SEC24D: variants seen among roughly 807,000 people sequenced by gnomAD.
SEC24D encodes the protein protein transport protein Sec24D.
A neutral mutation model predicts 116.9 loss-of-function variants in SEC24D; 69 were observed. The ratio of observed to expected loss-of-function variants is 0.59; its 90% CI spans 0.49 to 0.72. The LOEUF is 0.72. Among genes scored for constraint, SEC24D ranks in the 30% least tolerant of loss-of-function variants. The pLI is 0.00. For missense variants in SEC24D, 1,131 were observed against 1,264.1 expected (o/e 0.89, Z 1.60); for synonymous variants, 405 against 442.8 (o/e 0.91, Z 1.07).
intron 6 of SEC24D, among the ~76,000 whole-genome samples, chr4:118,813,052 A>T (rs1220445521): frequency 6.6e-6 from 1 of 152,166 alleles, no homozygotes; most frequent in Non-Finnish European, 1.5e-5. Context: ...CCATTTCATT[A>T]CCTCATATGG....
intron 7 of SEC24D, among the ~76,000 whole-genome samples, chr4:118,801,832 G>A (rs1344184907): frequency 2.6e-5 from 4 of 152,142 alleles, no homozygotes; most frequent in Non-Finnish European, 5.9e-5. Flanking sequence ...CTATAAACAG[G>A]TATACAACAG....
intron 6 of SEC24D, among the ~76,000 whole-genome samples, chr4:118,811,381 A>G (rs1729916238): frequency 6.6e-6 from 1 of 152,378 alleles, no homozygotes; most frequent in East Asian, 1.9e-4. Flanking sequence ...GGGATGTGAC[A>G]GTTAATTTTA....
At chr4:118,808,204 TC>T (rs1193786545) in intron 6 of SEC24D, among the ~76,000 whole-genome samples, 1 of 152,168 alleles carries the variant, frequency 6.6e-6, no homozygotes, top group Non-Finnish European at 1.5e-5. Context: ...CAAGCTTTCC[TC>T]CTACCTTAGC....
In SEC24D at chr4:118,723,400, G is replaced by T; in HGVS notation, c.*115C>A. The T allele has an allele frequency of 1.8e-6, 2 of 1,111,462 alleles. No homozygotes were observed. The highest frequency in any genetic ancestry group is 2.6e-6 in the Non-Finnish European group (2 of 782,012). 68.8% of individuals were successfully genotyped at this position (1,111,462 alleles called of 1,614,324 possible). A position where few individuals can be genotyped will look rare whatever the true frequency, so the allele number is the denominator to read the frequency against. ...TCTAAATGCCATCTCTTCCTGGAAAGTTATTCTGAAAATGAGCAAGAAATC... is the reference window on the plus strand; with the variant it reads ...TCTAAATGCCATCTCTTCCTGGAAATTTATTCTGAAAATGAGCAAGAAATC... On this transcript the variant is annotated 3_prime_UTR_variant, in exon 23 of 23. Coordinates refer to ENST00000280551, the MANE Select transcript of SEC24D (RefSeq NM_014822.4).
At chr4:118,780,907 C>CTTTTT (rs143712578) in intron 8 of SEC24D, among the ~76,000 whole-genome samples, 44 of 61,874 alleles carry the variant, frequency 7.1e-4, no homozygotes, top group Non-Finnish European at 8.8e-4. Flanking sequence ...GCAACCCCTG[C>CTTTTT]TTTTTTTTTT....
intron 3 of SEC24D, among the ~76,000 whole-genome samples, chr4:118,818,131 A>C (rs1415835018): frequency 6.6e-6 from 1 of 152,218 alleles, no homozygotes; most frequent in Non-Finnish European, 1.5e-5. Flanking sequence ...TTCTGCATTA[A>C]ACAATGGCCG....
chr4:118,793,604 C>T (rs1306109929), intron 8 of SEC24D, among the ~76,000 whole-genome samples: 2 of 152,098 alleles, frequency 1.3e-5, no homozygotes, highest in Non-Finnish European at 2.9e-5. Context: ...CAGCTACATG[C>T]CCAAAAAGGA....
intron 7 of SEC24D, among the ~76,000 whole-genome samples, chr4:118,801,675 G>A (rs1729451945): frequency 6.6e-6 from 1 of 151,998 alleles, no homozygotes; most frequent in Admixed American, 6.6e-5. Context: ...TATTGAAGCT[G>A]GATATTTGTT....
chr4:118,765,852 T>G (rs936715240), intron 9 of SEC24D, among the ~76,000 whole-genome samples: 18 of 152,274 alleles, frequency 1.2e-4, no homozygotes, highest in African/African-American at 4.3e-4. Flanking sequence ...CACTGAGGCT[T>G]GATTGTTCTA....
At chr4:118,766,177 T>C (rs1247628990) in intron 9 of SEC24D, among the ~76,000 whole-genome samples, 1 of 152,222 alleles carries the variant, frequency 6.6e-6, no homozygotes, top group Non-Finnish European at 1.5e-5. Flanking sequence ...AATTTTATTT[T>C]ATATTCATTA....
chr4:118,795,417 C>A (rs1389811656), intron 8 of SEC24D, among the ~76,000 whole-genome samples: 2 of 151,976 alleles, frequency 1.3e-5, no homozygotes, highest in Non-Finnish European at 2.9e-5. Context: ...TCATATTGGT[C>A]AGGCTGGTCT....
At chr4:118,757,910 CATT>C in intron 10 of SEC24D, 65 bp from the exon 11 acceptor site, 1 of 1,307,128 alleles carries the variant, frequency 7.7e-7, no homozygotes, top group Non-Finnish European at 1.0e-6. Context: ...TGTCAATACT[CATT>C]AGAAACTCTT....
chr4:118,830,646 T>A (rs1200904303), intron 2 of SEC24D, among the ~76,000 whole-genome samples: 2 of 136,930 alleles, frequency 1.5e-5, no homozygotes, highest in African/African-American at 5.1e-5. Flanking sequence ...CCAATTAAAA[T>A]TTTTTTTTTT....
intron 8 of SEC24D, among the ~76,000 whole-genome samples, chr4:118,795,523 G>C (rs1283512184): frequency 6.6e-6 from 1 of 151,998 alleles, no homozygotes; most frequent in Non-Finnish European, 1.5e-5. Flanking sequence ...ACCTCTTATA[G>C]TAGGCCAAGG....
intron 8 of SEC24D, among the ~76,000 whole-genome samples, chr4:118,785,219 T>G (rs1560694649): frequency 6.6e-6 from 1 of 152,200 alleles, no homozygotes; most frequent in Non-Finnish European, 1.5e-5. Flanking sequence ...GGCAGACCTC[T>G]ATGGTAAAAA....
At chr4:118,778,670 T>G (rs35071348) in intron 8 of SEC24D, among the ~76,000 whole-genome samples, 44,096 of 152,124 alleles carry the variant, frequency 0.29, 7,141 homozygotes, top group Non-Finnish European at 0.37. Context: ...AGGATGGCAC[T>G]GAATCTATAA....
intron 10 of SEC24D, among the ~76,000 whole-genome samples, chr4:118,759,744 A>G (rs2110465088): frequency 6.6e-6 from 1 of 152,034 alleles, no homozygotes; most frequent in East Asian, 1.9e-4. Context: ...TCTTTATCCA[A>G]CTTCTCTCCT....
chr4:118,771,266 T>C (rs2110476340), intron 8 of SEC24D, among the ~76,000 whole-genome samples: 1 of 152,338 alleles, frequency 6.6e-6, no homozygotes, highest in Non-Finnish European at 1.5e-5. Flanking sequence ...TATTTTCAGA[T>C]TTTAAAAATT....
intron 8 of SEC24D, among the ~76,000 whole-genome samples, chr4:118,787,527 T>C (rs1055086745): frequency 6.6e-6 from 1 of 152,188 alleles, no homozygotes; most frequent in Non-Finnish European, 1.5e-5. Flanking sequence ...ATTTTTAAAG[T>C]TGAGGCTGGA....
Sources: gnomAD v4.1 joint callset for allele counts (sites outside exome capture counted in the v4.1 genomes callset) on GRCh38, gnomAD v4.1.1 for gene constraint, MANE v1.5 for transcripts, NCBI Gene and HGNC (gene_info 2026-07-23, HGNC 2026-07-21) for gene names.